The following MIPOL1 variants were observed in gnomAD, a reference collection of about 807,000 sequenced individuals.
MIPOL1 encodes the protein mirror-image polydactyly gene 1 protein.
A neutral mutation model predicts 60.9 loss-of-function variants in MIPOL1; 57 were observed. That is an observed-to-expected ratio of 0.94 (90% CI 0.76 to 1.17). The LOEUF (loss-of-function observed/expected upper bound fraction) is 1.17. Ranked by LOEUF, MIPOL1 falls within the 50% of genes most tolerant of loss-of-function variation. MIPOL1 has a pLI of 0.00. For missense variants in MIPOL1, 551 were observed against 511.6 expected (o/e 1.08, Z -0.74); for synonymous variants, 179 against 168.8 (o/e 1.06, Z -0.47).
intron 11 of MIPOL1, among the ~76,000 whole-genome samples, chr14:37,448,550 A>G (rs2094371668): frequency 6.6e-6 from 1 of 152,192 alleles, no homozygotes; most frequent in South Asian, 2.1e-4. Flanking sequence ...TTATTTGCCA[A>G]TAAATAATTA....
intron 12 of MIPOL1, among the ~76,000 whole-genome samples, chr14:37,515,083 G>C (rs1186481486): frequency 6.6e-6 from 1 of 152,046 alleles, no homozygotes; most frequent in Non-Finnish European, 1.5e-5. Flanking sequence ...TCCTTTGCTT[G>C]TTTCAGTGTA....
At chr14:37,374,900 C>G (rs1230464603) in intron 10 of MIPOL1, among the ~76,000 whole-genome samples, 1 of 152,024 alleles carries the variant, frequency 6.6e-6, no homozygotes, top group African/African-American at 2.4e-5. Context: ...TTTAAAGTAG[C>G]TTTTTCTAAT....
At chr14:37,486,184 C>A (rs139613641) in intron 11 of MIPOL1, among the ~76,000 whole-genome samples, 1 of 152,164 alleles carries the variant, frequency 6.6e-6, no homozygotes, top group African/African-American at 2.4e-5. Context: ...TGTTCTGTTT[C>A]ATTCGTCTAT....
intron 1 of MIPOL1, among the ~76,000 whole-genome samples, chr14:37,226,565 C>G (rs1969783744): frequency 1.3e-5 from 2 of 152,228 alleles, no homozygotes; most frequent in South Asian, 4.1e-4. Flanking sequence ...ATTCGATTTT[C>G]TCCCACTGGG....
chr14:37,505,980 A>G (rs1015974146), intron 12 of MIPOL1: 8 of 152,208 alleles, frequency 5.3e-5, no homozygotes, highest in Non-Finnish European at 8.8e-5. Context: ...CAGCCAAATC[A>G]TGAGGGAATT....
chr14:37,452,017 G>A (rs2094427969), intron 11 of MIPOL1, among the ~76,000 whole-genome samples: 1 of 151,008 alleles, frequency 6.6e-6, no homozygotes, highest in Non-Finnish European at 1.5e-5. Flanking sequence ...GGGTTTCACC[G>A]TGTTAGCCAG....
At chr14:37,388,961 G>T (rs935980091) in intron 10 of MIPOL1, among the ~76,000 whole-genome samples, 6 of 152,032 alleles carry the variant, frequency 3.9e-5, no homozygotes, top group South Asian at 2.1e-4. Flanking sequence ...CCAGTTGAAG[G>T]CTAGAAGGAA....
rs372018995 is a variant in MIPOL1, at chr14:37,403,128, CTT to C, written c.937-19721_937-19720del. ...ACTGCTACCATGCTGAAAGTTAGAT[CTT>C]TTTTTAAAATTGAGAAATCACAGAA... On this transcript the variant is annotated intron_variant, in intron 10 of 12. Coordinates refer to ENST00000684589, the MANE Select transcript of MIPOL1 (RefSeq NM_001388067.1). Among the ~76,000 whole-genome samples the C allele has an allele frequency of 1.4e-3, 210 of 152,240 alleles. 3 individuals carry two copies. The highest frequency in any genetic ancestry group is 4.8e-3 in the African/African-American group (199 of 41,544).
intron 11 of MIPOL1, among the ~76,000 whole-genome samples, chr14:37,498,349 A>G (rs192465808): frequency 8.5e-5 from 13 of 152,322 alleles, no homozygotes; most frequent in Non-Finnish European, 1.8e-4. Context: ...AATGTTTTAA[A>G]TATAAAGAAC....
intron 1 of MIPOL1, among the ~76,000 whole-genome samples, chr14:37,200,848 CTATGTGTGTGTGTGTG>C (rs1291992631): frequency 7.4e-5 from 7 of 94,856 alleles, no homozygotes; most frequent in African/African-American, 3.0e-4. Flanking sequence ...CTATATCTAT[CTATGTGTGTGTGTGTG>C]TGTGTGTGTG....
At chr14:37,259,244 T>A (rs1394389553) in intron 3 of MIPOL1, among the ~76,000 whole-genome samples, 1 of 152,096 alleles carries the variant, frequency 6.6e-6, no homozygotes, top group African/African-American at 2.4e-5. Flanking sequence ...TCAATATGTG[T>A]ACAATATACC....
intron 11 of MIPOL1, among the ~76,000 whole-genome samples, chr14:37,477,701 C>T (rs1187365926): frequency 1.3e-5 from 2 of 152,300 alleles, no homozygotes; most frequent in South Asian, 2.1e-4. Flanking sequence ...GTTTATTCAG[C>T]ATCCTCAAGA....
chr14:37,289,931 G>A (rs1468482598), intron 7 of MIPOL1, among the ~76,000 whole-genome samples: 1 of 152,164 alleles, frequency 6.6e-6, no homozygotes, highest in South Asian at 2.1e-4. Flanking sequence ...CCCTGTAGGT[G>A]AGGAAAGGGG....
intron 12 of MIPOL1, among the ~76,000 whole-genome samples, chr14:37,539,813 C>T (rs2095522568): frequency 6.6e-6 from 1 of 152,130 alleles, no homozygotes; most frequent in African/African-American, 2.4e-5. Context: ...TATTATTCAG[C>T]TCCCCATTTG....
chr14:37,474,517 T>C (rs1296887688), intron 11 of MIPOL1, among the ~76,000 whole-genome samples: 3 of 152,228 alleles, frequency 2.0e-5, no homozygotes, highest in Non-Finnish European at 4.4e-5. Context: ...TCTGCCACCA[T>C]GTAAGACATG....
intron 1 of MIPOL1, among the ~76,000 whole-genome samples, chr14:37,235,165 T>C (rs1055810100): frequency 6.6e-6 from 1 of 152,258 alleles, no homozygotes; most frequent in Non-Finnish European, 1.5e-5. Flanking sequence ...TTTATGCTGC[T>C]TCTGAGCTAT....
intron 3 of MIPOL1, among the ~76,000 whole-genome samples, chr14:37,262,721 T>A (rs1034927410): frequency 6.6e-6 from 1 of 152,166 alleles, no homozygotes; most frequent in Admixed American, 6.6e-5. Context: ...CCCTAATACT[T>A]CTATCCACCC....
intron 3 of MIPOL1, among the ~76,000 whole-genome samples, chr14:37,262,800 C>A (rs1439973636): frequency 6.6e-6 from 1 of 152,110 alleles, no homozygotes; most frequent in Non-Finnish European, 1.5e-5. Flanking sequence ...CCAGTGGGAA[C>A]CCTAGAGACA....
intron 10 of MIPOL1, among the ~76,000 whole-genome samples, chr14:37,417,070 A>T (rs2093783349): frequency 6.6e-6 from 1 of 152,186 alleles, no homozygotes; most frequent in African/African-American, 2.4e-5. Flanking sequence ...AAGTTGAGGC[A>T]CATAAAGATT....
Sources: gnomAD v4.1 joint callset for allele counts (sites outside exome capture counted in the v4.1 genomes callset) on GRCh38, gnomAD v4.1.1 for gene constraint, MANE v1.5 for transcripts, NCBI Gene and HGNC (gene_info 2026-07-23, HGNC 2026-07-21) for gene names.